The following SAMD8 variants were observed in gnomAD, a reference collection of about 807,000 sequenced individuals.
SAMD8 encodes the protein sphingomyelin synthase-related protein 1.
SAMD8 carries 20 observed loss-of-function variants against 42.0 expected under a neutral mutation model. That is an observed-to-expected ratio of 0.48 (90% CI 0.34 to 0.69). The LOEUF is 0.69. Ranked by LOEUF, SAMD8 falls within the 30% of genes least tolerant of loss-of-function variation. The pLI is 0.01. For missense variants in SAMD8, 328 were observed against 511.6 expected (o/e 0.64, Z 3.46); for synonymous variants, 162 against 173.0 (o/e 0.94, Z 0.50).
intron 2 of SAMD8, among the ~76,000 whole-genome samples, chr10:75,152,431 A>C (rs1371204674): frequency 6.7e-6 from 1 of 148,490 alleles, no homozygotes; most frequent in Non-Finnish European, 1.5e-5. Context: ...CTGAGGCAGG[A>C]GAATGGCGTG....
At chr10:75,127,043 G>A (rs970491789) in intron 1 of SAMD8, among the ~76,000 whole-genome samples, 22 of 152,058 alleles carry the variant, frequency 1.4e-4, no homozygotes, top group Admixed American at 6.6e-5. Flanking sequence ...ACAAAAATTA[G>A]TGGAGAGAGG....
chr10:75,111,343 CG>C (rs1282683388), upstream of SAMD8: 1 of 437,216 alleles, frequency 2.3e-6, no homozygotes, highest in Non-Finnish European at 3.7e-6. Context: ...CTTTGGCCTC[CG>C]GCATGACGCA....
At position 75,181,743 on chromosome 10, in the gene SAMD8, G is replaced by A. The variant is rs1202978171; in HGVS notation, c.*5051G>A. On this transcript the variant is annotated 3_prime_UTR_variant, in exon 6 of 6. Transcript: ENST00000542569. ...CATAGCCAAGCAATATTATCAATTA[G>A]TAATGTCATCTTAAAAATGTTCACT... 1.3e-5 allele frequency: 2 copies of A among 152,202 alleles called. No homozygotes were observed. Among genetic ancestry groups the A allele is most frequent in the African/African-American group, 4.8e-5 (2 of 41,446 alleles). 9.4% of individuals were successfully genotyped at this position (152,202 alleles called of 1,614,324 possible). A position where few individuals can be genotyped will look rare whatever the true frequency, so the allele number is the denominator to read the frequency against.
chr10:75,108,981 C>T (rs1232628928), upstream of SAMD8: 1 of 1,580,910 alleles, frequency 6.3e-7, no homozygotes, highest in African/African-American at 1.3e-5. Flanking sequence ...GTCCCCACCC[C>T]CATGCCCCTT....
chr10:75,170,987 C>G (rs1382884683), intron 4 of SAMD8, among the ~76,000 whole-genome samples: 1 of 151,398 alleles, frequency 6.6e-6, no homozygotes, highest in Non-Finnish European at 1.5e-5. Flanking sequence ...TCTCGAACTC[C>G]TGACCTCAGG....
upstream of SAMD8, chr10:75,109,129 C>G (rs749886428): frequency 6.2e-7 from 1 of 1,606,476 alleles, no homozygotes; most frequent in East Asian, 2.3e-5. Flanking sequence ...GTCCTCTCCC[C>G]CCAGCTCTGG....
Position 75,158,782 on chromosome 10 carries a change from G to T in SAMD8, c.579-5863G>T, listed in dbSNP as rs560746676. Among the ~76,000 whole-genome samples the T allele has an allele frequency of 5.3e-5, 8 of 152,190 alleles. No individual in the cohort carries two copies. In the South Asian group the frequency reaches 1.7e-3, roughly 32 times the overall value. On this transcript the variant is annotated intron_variant, in intron 2 of 5. Coordinates refer to ENST00000542569, the MANE Select transcript of SAMD8 (RefSeq NM_001174156.2). ...TAATCTACTTTGTTTCTATGAATTT[G>T]TCTATTCTGGACATTTCGTATAAGT...
intron 3 of SAMD8, among the ~76,000 whole-genome samples, chr10:75,165,120 G>A (rs185654410): frequency 1.5e-4 from 23 of 151,916 alleles, no homozygotes; most frequent in Admixed American, 2.6e-4. Context: ...GAGAAATCCC[G>A]TCTCTACTAA....
At chr10:75,148,422 C>T (rs1201053973) in intron 1 of SAMD8, among the ~76,000 whole-genome samples, 1 of 143,438 alleles carries the variant, frequency 7.0e-6, no homozygotes, top group Non-Finnish European at 1.5e-5. Flanking sequence ...GGCACAATCT[C>T]GGCTCACTGC....
At chr10:75,115,133 GT>G (rs1848847496) in intron 1 of SAMD8, among the ~76,000 whole-genome samples, 1 of 152,108 alleles carries the variant, frequency 6.6e-6, no homozygotes, top group South Asian at 2.1e-4. Flanking sequence ...ATTTATATTT[GT>G]TTACAAATAA....
intron 4 of SAMD8, among the ~76,000 whole-genome samples, chr10:75,169,608 C>T (rs1170641129): frequency 6.6e-6 from 1 of 151,232 alleles, no homozygotes; most frequent in East Asian, 2.0e-4. Context: ...TCACTGTCCT[C>T]CTCACTCCTT....
At chr10:75,117,098 C>T (rs1029841416) in intron 1 of SAMD8, among the ~76,000 whole-genome samples, 6 of 151,914 alleles carry the variant, frequency 3.9e-5, no homozygotes, top group African/African-American at 9.7e-5. Context: ...CGTGAACCAC[C>T]GCAGCCTGCC....
chr10:75,141,792 C>T (rs1840022526), intron 1 of SAMD8, among the ~76,000 whole-genome samples: 1 of 151,978 alleles, frequency 6.6e-6, no homozygotes, highest in South Asian at 2.1e-4. Flanking sequence ...CCACCTGCCT[C>T]AGCCTCCCAA....
At chr10:75,166,048 A>G (rs1048669856) in intron 3 of SAMD8, among the ~76,000 whole-genome samples, 1 of 151,894 alleles carries the variant, frequency 6.6e-6, no homozygotes, top group Non-Finnish European at 1.5e-5. Flanking sequence ...GGTTTACTTC[A>G]GATGGTATGG....
At chr10:75,144,234 T>G (rs1179558091) in intron 1 of SAMD8, among the ~76,000 whole-genome samples, 3 of 152,200 alleles carry the variant, frequency 2.0e-5, no homozygotes. Context: ...CCCAAAGTGC[T>G]GGGATTACAG....
intron 1 of SAMD8, among the ~76,000 whole-genome samples, chr10:75,141,353 C>CAA (rs1183521701): frequency 2.3e-5 from 2 of 88,170 alleles, no homozygotes; most frequent in African/African-American, 4.3e-5. Context: ...CACCCTGTCT[C>CAA]AAAAAAAAAA....
intron 1 of SAMD8, among the ~76,000 whole-genome samples, chr10:75,124,446 C>G (rs553926118): frequency 6.6e-6 from 1 of 152,132 alleles, no homozygotes; most frequent in East Asian, 1.9e-4. Flanking sequence ...AACCCTGTCT[C>G]TAGTAAAAAT....
intron 1 of SAMD8, among the ~76,000 whole-genome samples, chr10:75,146,272 C>CTTTTTT (rs202162176): frequency 2.9e-5 from 2 of 68,124 alleles, no homozygotes; most frequent in African/African-American, 6.9e-5. Flanking sequence ...TGTCTTGACA[C>CTTTTTT]TTTTTTTTTT....
chr10:75,157,624 A>G (rs1252893943), intron 2 of SAMD8, among the ~76,000 whole-genome samples: 1 of 152,342 alleles, frequency 6.6e-6, no homozygotes. Flanking sequence ...AAAATAAGCC[A>G]TCTAGGAGAG....
Sources: allele counts gnomAD v4.1 joint callset (sites outside exome capture counted in the v4.1 genomes callset), GRCh38; gene constraint gnomAD v4.1.1; transcripts MANE v1.5; gene names NCBI Gene and HGNC (gene_info 2026-07-23, HGNC 2026-07-21).